Variants in LSAMP observed in about 807,000 individuals in gnomAD.
LSAMP encodes the protein limbic system-associated membrane protein.
LSAMP carries 7 observed loss-of-function variants against 38.6 expected under a neutral mutation model. That is an observed-to-expected ratio of 0.18 (90% CI 0.10 to 0.34). The LOEUF is 0.34. Ranked by LOEUF, LSAMP falls within the 10% of genes least tolerant of loss-of-function variation. The pLI is 1.00. For synonymous variants in LSAMP, 154 were observed against 166.8 expected, an observed-to-expected ratio of 0.92 and a Z score of 0.59; for missense variants, 313 against 420.0, an observed-to-expected ratio of 0.75 and a Z score of 2.23.
At chr3:115,902,677 C>G (rs2107486403) in intron 3 of LSAMP, among the ~76,000 whole-genome samples, 1 of 152,162 alleles carries the variant, frequency 6.6e-6, no homozygotes, top group South Asian at 2.1e-4. Context: ...GAAAAGTGGG[C>G]AAAGGACATG....
rs556699942 is a variant in LSAMP at position 116,060,287 on chromosome 3, G to T, written c.388+26037C>A. Reference sequence around the variant, plus strand: ...TATTTCTCGCAAGTCAAAGTAGAAAGTTGAAAAAACTCACAAATACATCAA... The same window carrying T: ...TATTTCTCGCAAGTCAAAGTAGAAATTTGAAAAAACTCACAAATACATCAA... On this transcript the variant is annotated intron_variant, in intron 2 of 6. Coordinates refer to ENST00000490035, the MANE Select transcript of LSAMP (RefSeq NM_002338.5). Among the ~76,000 whole-genome samples the T allele has an allele frequency of 3.3e-5, 5 of 150,858 alleles. No individual in the cohort carries two copies. In the South Asian group the frequency reaches 1.0e-3, roughly 31 times the overall value.
At chr3:116,050,097 G>A (rs1258507417) in intron 2 of LSAMP, among the ~76,000 whole-genome samples, 3 of 152,094 alleles carry the variant, frequency 2.0e-5, no homozygotes, top group Non-Finnish European at 4.4e-5. Context: ...AATCAGTGAG[G>A]AATATTAATA....
At chr3:116,424,154 G>A (rs1315123936) in intron 1 of LSAMP, among the ~76,000 whole-genome samples, 1 of 152,178 alleles carries the variant, frequency 6.6e-6, no homozygotes, top group Non-Finnish European at 1.5e-5. Context: ...TGTGTGTAGT[G>A]GGAATAATGT....
At chr3:115,922,252 T>G (rs1937399812) in intron 3 of LSAMP, among the ~76,000 whole-genome samples, 1 of 152,050 alleles carries the variant, frequency 6.6e-6, no homozygotes, top group South Asian at 2.1e-4. Context: ...TAGGTTTTCT[T>G]TACTTTTTTA....
intron 1 of LSAMP, among the ~76,000 whole-genome samples, chr3:116,172,096 TTAAA>T (rs1276249070): frequency 7.9e-5 from 12 of 151,830 alleles, no homozygotes; most frequent in East Asian, 1.9e-4. Context: ...TTCCAAAAGG[TTAAA>T]TAAATAAATA....
In LSAMP at chr3:116,050,188, T is replaced by C. The variant is rs372534078; in HGVS notation, c.389-30548A>G. ...CAACACAGCATCTCCATGGGCTGCC[T>C]GTGTTCTCCTGGTACAAGTCCTAGT... On this transcript the variant is annotated intron_variant, in intron 2 of 6. Coordinates refer to ENST00000490035, the MANE Select transcript of LSAMP (RefSeq NM_002338.5). Among the ~76,000 whole-genome samples the C allele has an allele frequency of 2.6e-5, 4 of 152,266 alleles. 1 individual carries two copies. Among genetic ancestry groups the C allele is most frequent in the African/African-American group, 9.6e-5 (4 of 41,552 alleles).
chr3:116,376,711 GAAGA>G (rs1291813678), intron 1 of LSAMP, among the ~76,000 whole-genome samples: 1 of 152,054 alleles, frequency 6.6e-6, no homozygotes, highest in African/African-American at 2.4e-5. Context: ...AAAAGAAGCT[GAAGA>G]AAGAAAACAC....
chr3:116,196,692 T>C (rs1710890005), intron 1 of LSAMP, among the ~76,000 whole-genome samples: 1 of 152,244 alleles, frequency 6.6e-6, no homozygotes, highest in African/African-American at 2.4e-5. Flanking sequence ...ACCTGCCTTA[T>C]CACGTGTAGT....
At chr3:116,296,960 AAAC>A (rs1292811367) in intron 1 of LSAMP, among the ~76,000 whole-genome samples, 3 of 152,158 alleles carry the variant, frequency 2.0e-5, no homozygotes, top group Admixed American at 1.3e-4. Flanking sequence ...TCTAAATTAA[AAAC>A]AACATGTTCT....
At chr3:116,430,751 G>A (rs548862370) in intron 1 of LSAMP, among the ~76,000 whole-genome samples, 45 of 152,066 alleles carry the variant, frequency 3.0e-4, no homozygotes, top group Non-Finnish European at 4.6e-4. Flanking sequence ...AATGTTTGCA[G>A]AGCTGGTAAT....
At chr3:116,273,707 T>TATATACACAC (rs1307543165) in intron 1 of LSAMP, among the ~76,000 whole-genome samples, 1 of 102,650 alleles carries the variant, frequency 9.7e-6, no homozygotes, top group African/African-American at 4.7e-5. Flanking sequence ...TATATATATA[T>TATATACACAC]ACACACACAC....
intron 1 of LSAMP, among the ~76,000 whole-genome samples, chr3:116,114,444 C>A (rs1576371738): frequency 6.6e-6 from 1 of 151,914 alleles, no homozygotes; most frequent in Middle Eastern, 3.4e-3. Context: ...GTATAAGGAA[C>A]AAGGTCTGTT....
chr3:116,022,011 T>C (rs1940653155), intron 2 of LSAMP, among the ~76,000 whole-genome samples: 1 of 152,186 alleles, frequency 6.6e-6, no homozygotes, highest in Non-Finnish European at 1.5e-5. Context: ...ATTCAAGTAC[T>C]GAGTCTCAGA....
At chr3:115,993,912 G>A (rs1039002822) in intron 3 of LSAMP, among the ~76,000 whole-genome samples, 4 of 152,040 alleles carry the variant, frequency 2.6e-5, no homozygotes, top group Non-Finnish European at 5.9e-5. Context: ...GCTCACATCA[G>A]TACACTCTTA....
intron 1 of LSAMP, among the ~76,000 whole-genome samples, chr3:116,124,323 C>G (rs1244062881): frequency 6.6e-6 from 1 of 152,188 alleles, no homozygotes; most frequent in East Asian, 1.9e-4. Flanking sequence ...GCTTCTCATT[C>G]ATGAAAATTG....
At chr3:115,816,989 A>C (rs1342081977) in intron 6 of LSAMP, among the ~76,000 whole-genome samples, 1 of 152,190 alleles carries the variant, frequency 6.6e-6, no homozygotes, top group Non-Finnish European at 1.5e-5. Context: ...AATGTGTCCG[A>C]TCCATAACCT....
intron 6 of LSAMP, among the ~76,000 whole-genome samples, chr3:115,841,212 A>C (rs1462669049): frequency 1.3e-5 from 2 of 152,212 alleles, no homozygotes; most frequent in Non-Finnish European, 2.9e-5. Flanking sequence ...TGGTCTTCAG[A>C]AATGTTCCTC....
rs528530751 is a variant in LSAMP, at chr3:115,810,221, ATCTCTCTC to A, written c.*88_*95del. 2.2e-5 allele frequency: 14 copies of A among 649,878 alleles called. No individual in the cohort carries two copies. The highest frequency in any genetic ancestry group is 6.3e-5 in the Admixed American group (2 of 31,624). The allele number at this position is 649,878 out of a possible 1,614,324, so 40.3% of individuals were successfully genotyped here. On this transcript the variant is annotated 3_prime_UTR_variant, in exon 7 of 7. Transcript: ENST00000490035. ...AGTTGTGAAATAAACGGTCTCCCCC[ATCTCTCTC>A]TCTCTCTCTCTCTCTGTCTCTCTCT...
At chr3:116,229,276 T>C (rs1404001453) in intron 1 of LSAMP, among the ~76,000 whole-genome samples, 1 of 152,124 alleles carries the variant, frequency 6.6e-6, no homozygotes, top group African/African-American at 2.4e-5. Context: ...AGAGGAAATC[T>C]AGAAGTCATA....
Sources: gnomAD v4.1 joint callset for allele counts (sites outside exome capture counted in the v4.1 genomes callset) on GRCh38, gnomAD v4.1.1 for gene constraint, MANE v1.5 for transcripts, NCBI Gene and HGNC (gene_info 2026-07-23, HGNC 2026-07-21) for gene names.